The following PGAP4 variants were observed in gnomAD, a reference collection of about 807,000 sequenced individuals.
The protein encoded by PGAP4 is post-GPI attachment to proteins GalNAc transferase 4, also known as GPI-N-acetylgalactosamine transferase PGAP4.
PGAP4 carries 12 observed loss-of-function variants against 28.2 expected under a neutral mutation model. The ratio of observed to expected loss-of-function variants is 0.42; its 90% CI spans 0.27 to 0.69. PGAP4 has a LOEUF of 0.69. Among genes scored for constraint, PGAP4 ranks in the 30% least tolerant of loss-of-function variants. The pLI, the probability that PGAP4 is intolerant of heterozygous loss-of-function variation, is 0.22. For synonymous variants in PGAP4, 205 were observed against 211.8 expected, an observed-to-expected ratio of 0.97 and a Z score of 0.28; for missense variants, 425 against 513.5, an observed-to-expected ratio of 0.83 and a Z score of 1.67.
chr9:101,532,322 T>C (rs1827105029), intron 1 of PGAP4, among the ~76,000 whole-genome samples: 1 of 150,908 alleles, frequency 6.6e-6, no homozygotes. Context: ...CTCTAAGCAA[T>C]GTGACCATGC....
intron 2 of PGAP4, among the ~76,000 whole-genome samples, chr9:101,497,818 A>G (rs1826764066): frequency 6.6e-6 from 1 of 151,752 alleles, no homozygotes; most frequent in South Asian, 2.1e-4. Context: ...ATTTGGGTCA[A>G]CTAAGCCAGA....
intron 2 of PGAP4, among the ~76,000 whole-genome samples, chr9:101,512,589 T>G (rs1564100916): frequency 6.6e-6 from 1 of 152,176 alleles, no homozygotes; most frequent in Non-Finnish European, 1.5e-5. Context: ...GAAATTTTGT[T>G]TTTTAACAGG....
At chr9:101,483,420 T>C (rs1826540519) in intron 1 of PGAP4, among the ~76,000 whole-genome samples, 1 of 152,194 alleles carries the variant, frequency 6.6e-6, no homozygotes, top group Non-Finnish European at 1.5e-5. Flanking sequence ...CATTTTATAC[T>C]TTAGAAAACT....
intron 2 of PGAP4, among the ~76,000 whole-genome samples, chr9:101,502,477 A>G (rs1291538946): frequency 6.6e-6 from 1 of 152,028 alleles, no homozygotes; most frequent in Middle Eastern, 3.2e-3. Flanking sequence ...ACCCAGCCAA[A>G]TACCTCCAAT....
chr9:101,475,807 C>G lies in PGAP4; in HGVS notation c.*74G>C, dbSNP rs1588190049. ...TAAACAGTGAAATACCTGCAGGCAA[C>G]CATGTCTAAATAAAGAGATAAATAT... On this transcript the variant is annotated 3_prime_UTR_variant, in exon 2 of 2. Transcript: ENST00000374848. The G allele has an allele frequency of 1.1e-5, 16 of 1,462,974 alleles. No homozygotes were observed. In the East Asian group the frequency reaches 3.6e-4, roughly 33 times the overall value. The allele number at this position is 1,462,974 out of a possible 1,614,324, so 90.6% of individuals were successfully genotyped here. A position where few individuals can be genotyped will look rare whatever the true frequency, so the allele number is the denominator to read the frequency against.
intron 2 of PGAP4, among the ~76,000 whole-genome samples, chr9:101,499,246 A>C (rs1588205783): frequency 6.6e-6 from 1 of 152,044 alleles, no homozygotes; most frequent in Non-Finnish European, 1.5e-5. Context: ...GGCTCAGCTC[A>C]TAAGGGCCAA....
chr9:101,495,069 A>G (rs2118580169), intron 2 of PGAP4, among the ~76,000 whole-genome samples: 1 of 141,090 alleles, frequency 7.1e-6, no homozygotes, highest in South Asian at 2.2e-4. Context: ...AAGAAGATTT[A>G]CTACCATTTA....
At chr9:101,500,963 A>C (rs1821862647) in intron 2 of PGAP4, among the ~76,000 whole-genome samples, 1 of 152,112 alleles carries the variant, frequency 6.6e-6, no homozygotes, top group African/African-American at 2.4e-5. Flanking sequence ...CTTAAATTCT[A>C]TTCCAGTGTA....
chr9:101,489,700 G>A (rs1179497179), upstream of PGAP4, among the ~76,000 whole-genome samples: 4 of 152,082 alleles, frequency 2.6e-5, no homozygotes, highest in African/African-American at 9.7e-5. Flanking sequence ...GAAATCAGAG[G>A]GCAAGAGAGC....
chr9:101,519,413 C>G (rs1826968520), intron 2 of PGAP4, among the ~76,000 whole-genome samples: 1 of 152,108 alleles, frequency 6.6e-6, no homozygotes, highest in African/African-American at 2.4e-5. Context: ...CCTGCCTCCC[C>G]CTCCCAAAGT....
At chr9:101,515,835 C>G (rs1457465756) in intron 2 of PGAP4, among the ~76,000 whole-genome samples, 1 of 151,868 alleles carries the variant, frequency 6.6e-6, no homozygotes, top group African/African-American at 2.4e-5. Context: ...TATAAAGTTT[C>G]AGATAGATGG....
intron 2 of PGAP4, among the ~76,000 whole-genome samples, chr9:101,504,794 T>C (rs1418621651): frequency 6.6e-6 from 1 of 152,046 alleles, no homozygotes; most frequent in Non-Finnish European, 1.5e-5. Context: ...TTACTTTTAT[T>C]CTAATGGGCT....
At chr9:101,519,880 C>T (rs1253124924) in intron 2 of PGAP4, among the ~76,000 whole-genome samples, 1 of 152,090 alleles carries the variant, frequency 6.6e-6, no homozygotes, top group African/African-American at 2.4e-5. Context: ...CTTAATCCAT[C>T]TTGGGTTGAT....
chr9:101,504,207 T>TG (rs1325161247), intron 2 of PGAP4, among the ~76,000 whole-genome samples: 3 of 124,146 alleles, frequency 2.4e-5, no homozygotes, highest in African/African-American at 1.0e-4. Context: ...GTGTGTGTGT[T>TG]TGTTTTTTTT....
intron 2 of PGAP4, among the ~76,000 whole-genome samples, chr9:101,523,813 T>C (rs1827009758): frequency 6.6e-6 from 1 of 151,772 alleles, no homozygotes; most frequent in South Asian, 2.1e-4. Context: ...AAGAGCCTTG[T>C]TTTGTCATAT....
intron 2 of PGAP4, among the ~76,000 whole-genome samples, chr9:101,518,446 C>A (rs987098101): frequency 5.9e-5 from 9 of 152,176 alleles, no homozygotes; most frequent in African/African-American, 1.7e-4. Flanking sequence ...TTCTTCCCCC[C>A]AAGTCCCCAA....
chr9:101,533,417 A>C (rs1827129105), exon 1 of PGAP4: 1 of 152,246 alleles, frequency 6.6e-6, no homozygotes, highest in Non-Finnish European at 1.5e-5. Context: ...TTCTCTCCAG[A>C]ACTCTTCATT....
chr9:101,495,392 C>G (rs866806942), intron 2 of PGAP4, among the ~76,000 whole-genome samples: 468 of 9,824 alleles, frequency 0.048, 36 homozygotes, highest in Non-Finnish European at 0.068. Context: ...ATTATATGTG[C>G]TTATATTTTA....
At chr9:101,485,186 C>T (rs72743378) in intron 1 of PGAP4, among the ~76,000 whole-genome samples, 28,990 of 151,730 alleles carry the variant, frequency 0.19, 2,958 homozygotes, top group East Asian at 0.37. Flanking sequence ...ATGTTATTTT[C>T]ATTATGAAAG....
Sources: gnomAD v4.1 joint callset for allele counts (sites outside exome capture counted in the v4.1 genomes callset) on GRCh38, gnomAD v4.1.1 for gene constraint, MANE v1.5 for transcripts, NCBI Gene and HGNC (gene_info 2026-07-23, HGNC 2026-07-21) for gene names.